The following MED13L variants were observed in gnomAD, a reference collection of about 807,000 sequenced individuals.
MED13L encodes mediator complex subunit 13L.
Under a neutral mutation model 220.9 loss-of-function variants are expected in MED13L, and 7 were observed. The observed-to-expected ratio is 0.03, with a 90% CI of 0.02 to 0.06. The LOEUF is 0.06. Ranked by LOEUF, MED13L falls within the 10% of genes least tolerant of loss-of-function variation. MED13L has a pLI of 1.00. For missense variants in MED13L, 1,965 were observed against 2,760.5 expected (o/e 0.71, Z 6.46); for synonymous variants, 1,011 against 1,015.2 (o/e 1.00, Z 0.08).
chr12:116,012,674 CT>C, intron 9 of MED13L, 122 bp downstream of exon 9: 1 of 801,064 alleles, frequency 1.2e-6, no homozygotes, highest in African/African-American at 1.7e-5. Context: ...AAAAACTAAT[CT>C]TTTTCTTCTC....
At chr12:116,136,939 T>A (rs1190496318) in intron 2 of MED13L, among the ~76,000 whole-genome samples, 1 of 152,180 alleles carries the variant, frequency 6.6e-6, no homozygotes, top group East Asian at 1.9e-4. Flanking sequence ...TTATTTTAAG[T>A]TAACATAAAC....
chr12:116,019,588 A>C (rs1879932581), intron 6 of MED13L, among the ~76,000 whole-genome samples, 176 bp from the exon 7 acceptor site: 1 of 152,210 alleles, frequency 6.6e-6, no homozygotes, highest in African/African-American at 2.4e-5. Flanking sequence ...CATGATGATA[A>C]GAGCATTTGG....
intron 2 of MED13L, among the ~76,000 whole-genome samples, chr12:116,117,460 T>C (rs1874629985): frequency 6.6e-6 from 1 of 152,204 alleles, no homozygotes; most frequent in Admixed American, 6.5e-5. Context: ...CACAATCTTT[T>C]ACTGTTCTAA....
intron 2 of MED13L, among the ~76,000 whole-genome samples, chr12:116,185,680 TTTCTTTTC>T (rs1880844046): frequency 1.1e-5 from 1 of 91,080 alleles, no homozygotes; most frequent in Non-Finnish European, 2.3e-5. Flanking sequence ...TTTCTTTTCT[TTTCTTTTC>T]TTTTCTTTTC....
rs79990251 is a variant in MED13L, at chr12:116,052,078, T to TACACAC, written c.480-29483_480-29478dup. Among the ~76,000 whole-genome samples the TACACAC allele has an allele frequency of 3.2e-3, 477 of 149,586 alleles. 2 individuals are homozygous for TACACAC. Among genetic ancestry groups the TACACAC allele is most frequent in the Middle Eastern group, 6.9e-3 (2 of 288 alleles). ...TTTATTATGTACTTACCTACACACA[T>TACACAC]ACACACACACACACACACACACACA... On this transcript the variant is annotated intron_variant, in intron 4 of 30. Transcript: ENST00000281928.
intron 2 of MED13L, among the ~76,000 whole-genome samples, chr12:116,184,938 T>C (rs1352372895): frequency 6.6e-6 from 1 of 152,178 alleles, no homozygotes. Context: ...GATCCAGTGT[T>C]TGGGTTTCAA....
At chr12:116,020,502 A>G (rs1261595699) in intron 5 of MED13L, among the ~76,000 whole-genome samples, 1 of 152,228 alleles carries the variant, frequency 6.6e-6, no homozygotes, top group South Asian at 2.1e-4. Flanking sequence ...TGTGGTAATC[A>G]AAGAATAACA....
intron 2 of MED13L, among the ~76,000 whole-genome samples, chr12:116,124,479 A>G (rs1046454987): frequency 6.6e-6 from 1 of 152,004 alleles, no homozygotes; most frequent in Non-Finnish European, 1.5e-5. Flanking sequence ...CCTTTTTTCC[A>G]TTATCTTACA....
At chr12:116,179,300 C>A (rs1433435632) in intron 2 of MED13L, among the ~76,000 whole-genome samples, 1 of 150,806 alleles carries the variant, frequency 6.6e-6, no homozygotes, top group Non-Finnish European at 1.5e-5. Flanking sequence ...CTTTTTCTTC[C>A]TTAATTTATG....
intron 2 of MED13L, among the ~76,000 whole-genome samples, chr12:116,195,510 G>C (rs1471882610): frequency 1.3e-5 from 2 of 152,080 alleles, no homozygotes; most frequent in Non-Finnish European, 2.9e-5. Flanking sequence ...GGCTAGGGTA[G>C]CACAATCTCG....
At chr12:115,971,551 G>A (rs1040895614) in intron 26 of MED13L, among the ~76,000 whole-genome samples, 3 of 152,174 alleles carry the variant, frequency 2.0e-5, no homozygotes, top group Non-Finnish European at 4.4e-5. Flanking sequence ...CTGTGGCCAC[G>A]TTTTGGCCAT....
chr12:116,096,374 A>AAAAAAAAAAAAAC (rs1872642978), intron 4 of MED13L, among the ~76,000 whole-genome samples: 1 of 147,968 alleles, frequency 6.8e-6, no homozygotes, highest in Non-Finnish European at 1.5e-5. Context: ...AAAAAAAAAA[A>AAAAAAAAAAAAAC]AAAAAAAGTC....
At chr12:116,076,731 TA>T (rs1870834475) in intron 4 of MED13L, among the ~76,000 whole-genome samples, 1 of 152,176 alleles carries the variant, frequency 6.6e-6, no homozygotes, top group South Asian at 2.1e-4. Context: ...TTTTTAAAGC[TA>T]TTTTTTTAAT....
chr12:116,156,402 TAAAAAAAA>T (rs11366103), intron 2 of MED13L, among the ~76,000 whole-genome samples: 1 of 119,450 alleles, frequency 8.4e-6, no homozygotes, highest in Non-Finnish European at 1.7e-5. Context: ...TCCAATTACT[TAAAAAAAA>T]AAAAAAAAAA....
At chr12:116,229,773 C>G (rs1869372773) in intron 2 of MED13L, among the ~76,000 whole-genome samples, 1 of 152,082 alleles carries the variant, frequency 6.6e-6, no homozygotes, top group Non-Finnish European at 1.5e-5. Context: ...TTTTTCCTTT[C>G]AAGTATATAA....
In MED13L at chr12:116,159,229, A is replaced by G. The variant is rs1358480426; in HGVS notation, c.311-47717T>C. Among the ~76,000 whole-genome samples, 3 of 152,332 alleles carry G rather than the reference A, an allele frequency of 2.0e-5. No individual in the cohort carries two copies. The East Asian group carries it at 5.8e-4, about 29-fold the overall frequency. ...TTGTGCCACTGAATACTACAGGATCAAAGTAAAGCCTCTGAGATTATTATG... is the reference window on the plus strand; with the variant it reads ...TTGTGCCACTGAATACTACAGGATCGAAGTAAAGCCTCTGAGATTATTATG... On this transcript the variant is annotated intron_variant, in intron 2 of 30. Transcript: ENST00000281928.
At chr12:116,077,473 G>A (rs1251282743) in intron 4 of MED13L, among the ~76,000 whole-genome samples, 1 of 152,138 alleles carries the variant, frequency 6.6e-6, no homozygotes, top group African/African-American at 2.4e-5. Context: ...TTTATATTCA[G>A]TTGACAGTCA....
intron 8 of MED13L, among the ~76,000 whole-genome samples, chr12:116,013,179 C>T (rs1259118842): frequency 1.3e-5 from 2 of 152,148 alleles, no homozygotes; most frequent in Non-Finnish European, 2.9e-5. Context: ...TTGAGACCAT[C>T]CTGGGCAACA....
intron 4 of MED13L, among the ~76,000 whole-genome samples, chr12:116,062,580 C>T (rs538650790): frequency 1.1e-4 from 17 of 151,290 alleles, no homozygotes; most frequent in African/African-American, 4.1e-4. Context: ...CTCCACCTCC[C>T]GGGTTCAAGT....
Sources: allele counts gnomAD v4.1 joint callset (sites outside exome capture counted in the v4.1 genomes callset), GRCh38; gene constraint gnomAD v4.1.1; transcripts MANE v1.5; gene names NCBI Gene and HGNC (gene_info 2026-07-23, HGNC 2026-07-21).